RBFOX3: variants seen among roughly 807,000 people sequenced by gnomAD.
RBFOX3 encodes RNA binding protein fox-1 homolog 3.
Under a neutral mutation model 48.7 loss-of-function variants are expected in RBFOX3, and 17 were observed. The ratio of observed to expected loss-of-function variants is 0.35; its 90% CI spans 0.24 to 0.52. The LOEUF is 0.52. Among genes scored for constraint, RBFOX3 ranks in the 20% least tolerant of loss-of-function variants. RBFOX3 has a pLI of 0.94. For missense variants in RBFOX3, 382 were observed against 497.5 expected (o/e 0.77, Z 2.21); for synonymous variants, 212 against 209.5 (o/e 1.01, Z -0.10).
intron 4 of RBFOX3, among the ~76,000 whole-genome samples, chr17:79,186,487 G>A (rs983281082): frequency 6.6e-6 from 1 of 152,130 alleles, no homozygotes; most frequent in Non-Finnish European, 1.5e-5. Flanking sequence ...AGGGCGGTAC[G>A]AAGCTTTTCA....
intron 4 of RBFOX3, among the ~76,000 whole-genome samples, chr17:79,116,929 C>T (rs2034170459): frequency 6.6e-6 from 1 of 152,242 alleles, no homozygotes; most frequent in South Asian, 2.1e-4. Context: ...TTCCAGGGCG[C>T]ACCCCAGGCC....
chr17:79,325,663 A>G (rs2079187025), intron 2 of RBFOX3, among the ~76,000 whole-genome samples: 1 of 152,144 alleles, frequency 6.6e-6, no homozygotes, highest in African/African-American at 2.4e-5. Flanking sequence ...AACAAAAAGC[A>G]CAACCAAAAT....
intron 4 of RBFOX3, among the ~76,000 whole-genome samples, chr17:79,124,097 T>C (rs2036513335): frequency 6.6e-6 from 1 of 152,210 alleles, no homozygotes; most frequent in South Asian, 2.1e-4. Flanking sequence ...CATCCCAGCA[T>C]GTGAGTGCCA....
intron 3 of RBFOX3, among the ~76,000 whole-genome samples, chr17:79,302,252 A>G (rs1324217291): frequency 6.6e-6 from 1 of 152,182 alleles, no homozygotes; most frequent in Non-Finnish European, 1.5e-5. Context: ...CCCTTCAAGA[A>G]GCATATTATT....
In RBFOX3 at chr17:79,220,660, C is replaced by G. The variant is rs2059619318; in HGVS notation, c.-34+15106G>C. Among the ~76,000 whole-genome samples, 2 of 151,928 alleles carry G rather than the reference C, an allele frequency of 1.3e-5. No individual in the cohort carries two copies. Among genetic ancestry groups the G allele is most frequent in the Non-Finnish European group, 2.9e-5 (2 of 68,006 alleles). On this transcript the variant is annotated intron_variant, in intron 4 of 14. Transcript: ENST00000693108. The surrounding 1 kb of genome is among the most constrained non-coding windows in gnomAD (Gnocchi z 5.9). The stretch of plus-strand genomic sequence containing the variant: ...TCCAGCCTAGCAGATCTCACGGATA[C>G]CGGAATGGGGAGGACACTTTACTGA...
chr17:79,465,673 C>T (rs544641682), intron 2 of RBFOX3, among the ~76,000 whole-genome samples: 3 of 152,228 alleles, frequency 2.0e-5, no homozygotes, highest in Non-Finnish European at 4.4e-5. Flanking sequence ...GGAGCAGCCC[C>T]GTGGCCAGCT....
chr17:79,417,663 T>C (rs1183686284), intron 2 of RBFOX3, among the ~76,000 whole-genome samples: 1 of 152,226 alleles, frequency 6.6e-6, no homozygotes, highest in Non-Finnish European at 1.5e-5. Flanking sequence ...AAGGAAGGTT[T>C]GGCGGTTCCT....
intron 4 of RBFOX3, among the ~76,000 whole-genome samples, chr17:79,134,662 A>AG (rs1428217838): frequency 1.3e-5 from 2 of 152,172 alleles, no homozygotes; most frequent in Admixed American, 1.3e-4. Context: ...TGTCCCAGGG[A>AG]GGGGGTCCTG....
intron 4 of RBFOX3, among the ~76,000 whole-genome samples, chr17:79,131,517 C>T (rs2038906488): frequency 6.6e-6 from 1 of 152,236 alleles, no homozygotes; most frequent in Non-Finnish European, 1.5e-5. Context: ...TTAAGCGTCG[C>T]CACTCCGCTA....
chr17:79,393,445 G>C (rs908694856), intron 2 of RBFOX3, among the ~76,000 whole-genome samples: 1 of 152,270 alleles, frequency 6.6e-6, no homozygotes, highest in Non-Finnish European at 1.5e-5. Flanking sequence ...CTCCGTTCGT[G>C]TGGTCCCTGG....
intron 1 of RBFOX3, among the ~76,000 whole-genome samples, chr17:79,521,093 G>A (rs1462293588): frequency 2.0e-5 from 3 of 152,158 alleles, no homozygotes; most frequent in East Asian, 1.9e-4. Context: ...TGGGGGGCAT[G>A]AGAGACACAG....
chr17:79,194,971 G>T (rs377195306), intron 4 of RBFOX3, among the ~76,000 whole-genome samples: 1 of 151,950 alleles, frequency 6.6e-6, no homozygotes, highest in East Asian at 1.9e-4. Flanking sequence ...TCCATGTGTG[G>T]CCTGCATTAT....
chr17:79,118,559 G>A (rs1455280659), intron 4 of RBFOX3, among the ~76,000 whole-genome samples: 2 of 152,232 alleles, frequency 1.3e-5, no homozygotes, highest in African/African-American at 2.4e-5. Flanking sequence ...AAGGCACAGC[G>A]TGAGGGCCCT....
chr17:79,626,935 A>T, the RBFOX3 span, among the ~76,000 whole-genome samples: 1 of 152,304 alleles, frequency 6.6e-6, no homozygotes, highest in East Asian at 1.9e-4. Context: ...GCTCAGCCTC[A>T]TGTATGTCTT....
chr17:79,117,864 G>A (rs927827283), intron 4 of RBFOX3, among the ~76,000 whole-genome samples: 1 of 152,218 alleles, frequency 6.6e-6, no homozygotes, highest in African/African-American at 2.4e-5. Context: ...AGAGAACAAT[G>A]ACCCGATGTC....
rs1231466299 is a variant in RBFOX3 at position 79,363,228 on chromosome 17, T to G, written c.-174-55404A>C. On this transcript the variant is annotated intron_variant, in intron 2 of 14. Transcript: ENST00000693108. The surrounding 1 kb of genome is among the most constrained non-coding windows in gnomAD (Gnocchi z 4.7). Reference sequence around the variant, plus strand: ...GGTTCTGTAGTGCCAGCAAGGCTGATGCACAGAGAGGGGACATGGCTCACG... The same window carrying G: ...GGTTCTGTAGTGCCAGCAAGGCTGAGGCACAGAGAGGGGACATGGCTCACG... 1.3e-5 allele frequency among the ~76,000 whole-genome samples: 2 copies of G among 152,068 alleles called. No homozygotes were observed. The highest frequency in any genetic ancestry group is 6.5e-5 in the Admixed American group (1 of 15,278).
At chr17:79,568,397 G>A (rs1189794840) in intron 1 of RBFOX3, among the ~76,000 whole-genome samples, 1 of 152,248 alleles carries the variant, frequency 6.6e-6, no homozygotes. Flanking sequence ...GCTCACTGGA[G>A]CATTTTGGTT....
intron 2 of RBFOX3, among the ~76,000 whole-genome samples, chr17:79,420,123 TCTCATACA>T (rs1237199230): frequency 1.6e-5 from 1 of 62,050 alleles, no homozygotes; most frequent in Non-Finnish European, 3.2e-5. Flanking sequence ...CAAGACTCCG[TCTCATACA>T]CACACACACA....
rs990483299 is a variant in RBFOX3, at chr17:79,249,263, G to A, written c.-73-13458C>T. On this transcript the variant is annotated intron_variant, in intron 3 of 14. Transcript: ENST00000693108. The surrounding 1 kb of genome is among the most constrained non-coding windows in gnomAD (Gnocchi z 4.1). ...AAGCCACCGTTTGTGCTTGGGCTGCGGATTCTGGCTAGTGAGATGCTGAGC... is the reference window on the plus strand; with the variant it reads ...AAGCCACCGTTTGTGCTTGGGCTGCAGATTCTGGCTAGTGAGATGCTGAGC... Among the ~76,000 whole-genome samples, 3 of 152,154 alleles carry A rather than the reference G, an allele frequency of 2.0e-5. No individual in the cohort carries two copies. Among genetic ancestry groups the A allele is most frequent in the East Asian group, 1.9e-4 (1 of 5,180 alleles).
Sources: gnomAD v4.1 joint callset for allele counts (sites outside exome capture counted in the v4.1 genomes callset) on GRCh38, gnomAD v4.1.1 for gene constraint, Gnocchi (gnomAD v3.1) non-coding constraint, MANE v1.5 for transcripts, NCBI Gene and HGNC (gene_info 2026-07-23, HGNC 2026-07-21) for gene names.